The following TSPO variants were observed in gnomAD, a reference collection of about 807,000 sequenced individuals.
TSPO encodes translocator protein.
Under a neutral mutation model 13.9 loss-of-function variants are expected in TSPO, and 14 were observed. That is an observed-to-expected ratio of 1.01 (90% CI 0.67 to 1.58). TSPO has a LOEUF of 1.58. Ranked by LOEUF, TSPO falls within the 40% of genes most tolerant of loss-of-function variation. TSPO has a pLI of 0.00. For synonymous variants in TSPO, 114 were observed against 105.9 expected, an observed-to-expected ratio of 1.08 and a Z score of -0.47; for missense variants, 232 against 229.6, an observed-to-expected ratio of 1.01 and a Z score of -0.07.
At position 43,163,048 on chromosome 22, in the gene TSPO, G is replaced by A. The variant is rs1931505871; in HGVS notation, c.*57G>A. On this transcript the variant is annotated 3_prime_UTR_variant, in exon 4 of 4. Transcript: ENST00000337554. The stretch of plus-strand genomic sequence containing the variant: ...CAGCAGGTGCCATCACGCTTGTGAT[G>A]TGGTGGCCGTCACGCTTTCATGACC... 1.3e-6 allele frequency: 2 copies of A among 1,565,382 alleles called. No homozygotes were observed. Among genetic ancestry groups the A allele is most frequent in the African/African-American group, 1.4e-5 (1 of 73,852 alleles).
intron 2 of TSPO, 60 bp downstream of exon 2, chr22:43,159,480 C>T: frequency 5.1e-6 from 7 of 1,373,516 alleles, no homozygotes; most frequent in South Asian, 1.6e-5. Context: ...GAGGCCTGGC[C>T]CAGGACAGAG....
chr22:43,161,663 T>C (rs1289737274), intron 3 of TSPO, among the ~76,000 whole-genome samples: 2 of 151,104 alleles, frequency 1.3e-5, no homozygotes, highest in Non-Finnish European at 3.0e-5. Flanking sequence ...AATTTTTGTA[T>C]TTGTATTTGT....
At chr22:43,157,824 A>G (rs2016151) in intron 1 of TSPO, among the ~76,000 whole-genome samples, 83,484 of 152,138 alleles carry the variant, frequency 0.55, 25,686 homozygotes, top group East Asian at 0.98. Flanking sequence ...GCAACAGAGC[A>G]AGACTCTGTC....
chr22:43,157,568 G>A (rs1168115420), intron 1 of TSPO, among the ~76,000 whole-genome samples: 2 of 152,228 alleles, frequency 1.3e-5, no homozygotes, highest in African/African-American at 4.8e-5. Flanking sequence ...GGTGGCTCAC[G>A]CCTGTAATCC....
At chr22:43,161,286 G>A in intron 3 of TSPO, 96 bp downstream of exon 3, 1 of 1,495,170 alleles carries the variant, frequency 6.7e-7, no homozygotes, top group Non-Finnish European at 9.0e-7. Flanking sequence ...TCTATAGGCG[G>A]GGCCAGGGGA....
At chr22:43,153,088 C>T (rs923776229) in intron 1 of TSPO, among the ~76,000 whole-genome samples, 31 of 97,482 alleles carry the variant, frequency 3.2e-4, no homozygotes, top group African/African-American at 1.4e-3. Context: ...TTCTTTCTTT[C>T]CTTCCTTCCT....
intron 1 of TSPO, among the ~76,000 whole-genome samples, chr22:43,152,618 C>CCAGCCT (rs1414704384): frequency 6.6e-6 from 1 of 152,274 alleles, no homozygotes; most frequent in Non-Finnish European, 1.5e-5. Context: ...GACAGGAGAG[C>CCAGCCT]CAGCCTCAGC....
intron 1 of TSPO, among the ~76,000 whole-genome samples, chr22:43,153,804 G>A (rs1220134018): frequency 1.3e-5 from 2 of 151,554 alleles, no homozygotes; most frequent in Non-Finnish European, 2.9e-5. Flanking sequence ...TATTTTTTGA[G>A]ACGGTGTCTC....
At chr22:43,157,796 C>A (rs1177312890) in intron 1 of TSPO, among the ~76,000 whole-genome samples, 1 of 152,198 alleles carries the variant, frequency 6.6e-6, no homozygotes, top group African/African-American at 2.4e-5. Context: ...GAGATCGCGC[C>A]ATTGTATTCC....
chr22:43,160,916 C>G (rs113515), intron 2 of TSPO, 136 bp from the exon 3 acceptor site: 402,065 of 1,066,112 alleles, frequency 0.38, 80,307 homozygotes, highest in African/African-American at 0.45. Flanking sequence ...AAGGCCCAGA[C>G]AGGTCAAGCA....
At position 43,163,035 on chromosome 22, in the gene TSPO, T is replaced by C; in HGVS notation, c.*44T>C. On this transcript the variant is annotated 3_prime_UTR_variant, in exon 4 of 4. Coordinates refer to ENST00000337554, the MANE Select transcript of TSPO (RefSeq NM_000714.6). ...ACTGCAGCTGCACCAGCAGGTGCCA[T>C]CACGCTTGTGATGTGGTGGCCGTCA... 1.3e-6 allele frequency: 2 copies of C among 1,572,528 alleles called. No homozygotes were observed. Among genetic ancestry groups the C allele is most frequent in the Non-Finnish European group, 1.7e-6 (2 of 1,159,322 alleles).
At chr22:43,154,337 C>CT (rs372982994) in intron 1 of TSPO, among the ~76,000 whole-genome samples, 62 of 151,058 alleles carry the variant, frequency 4.1e-4, no homozygotes, top group African/African-American at 5.3e-4. Flanking sequence ...GGGTCGCCTT[C>CT]TTTTTTTTTG....
rs148092930 is a variant in TSPO at position 43,159,973 on chromosome 22, G to T, written c.182+553G>T. ...GGCAGGGCGCCTCTTGGTGGCTGTA[G>T]CGGGGACCACACCCAGGAGGCAGGG... On this transcript the variant is annotated intron_variant, in intron 2 of 3. Coordinates refer to ENST00000337554, the MANE Select transcript of TSPO (RefSeq NM_000714.6). 1.5e-3 allele frequency among the ~76,000 whole-genome samples: 232 copies of T among 152,300 alleles called. No individual in the cohort carries two copies. In the Middle Eastern group the frequency reaches 0.02, roughly 13 times the overall value.
rs749824230 is a variant in TSPO at position 43,159,316 on chromosome 22, C to T, written c.78C>T (p.Val26=). 5.2e-6 allele frequency: 8 copies of T among 1,550,020 alleles called. No homozygotes were observed. Among genetic ancestry groups the T allele is most frequent in the South Asian group, 1.2e-5 (1 of 84,010 alleles). Residue 26 remains valine (V), a synonymous_variant, in exon 2 of 4, where the codon GTC becomes GTT. Coordinates refer to ENST00000337554, the MANE Select transcript of TSPO (RefSeq NM_000714.6). ...SLGCFVGSRF[V]HGEGLRWYAG... ...GGTGCTTCGTGGGCTCCCGCTTTGT[C>T]CACGGCGAGGGTCTCCGCTGGTACG...
intron 1 of TSPO, among the ~76,000 whole-genome samples, chr22:43,153,058 T>C: frequency 7.1e-6 from 1 of 141,748 alleles, no homozygotes; most frequent in African/African-American, 2.5e-5. Flanking sequence ...CCCTTCTTTC[T>C]CTTTCTTCTT....
intron 3 of TSPO, 81 bp from the exon 4 acceptor site, chr22:43,162,722 T>C: frequency 7.3e-7 from 1 of 1,370,136 alleles, no homozygotes; most frequent in Non-Finnish European, 9.8e-7. Flanking sequence ...CCAAATCCAG[T>C]GGGAGTTGGG....
chr22:43,152,928 G>A (rs541618537), intron 1 of TSPO, among the ~76,000 whole-genome samples: 4 of 138,358 alleles, frequency 2.9e-5, no homozygotes, highest in South Asian at 4.4e-4. Flanking sequence ...TATTCACAGC[G>A]GGTTCTCCAG....
Position 43,159,342 on chromosome 22 carries a change from C to T in TSPO, c.104C>T (p.Ala35Val). The change falls in exon 2 of 4, where the codon GCC (alanine) becomes GTC (valine). Residue 35 changes from alanine to valine, a missense_variant. Physicochemically the swap from Ala to Val is moderately conservative, Grantham distance 64. Coordinates refer to ENST00000337554, the MANE Select transcript of TSPO (RefSeq NM_000714.6). ...FVHGEGLRWY[A>V]GLQKPSWHPP... Reference sequence around the variant, plus strand: ...CACGGCGAGGGTCTCCGCTGGTACGCCGGCCTGCAGAAGCCCTCGTGGCAC... The same window carrying T: ...CACGGCGAGGGTCTCCGCTGGTACGTCGGCCTGCAGAAGCCCTCGTGGCAC... 1 of 1,547,796 alleles carries T rather than the reference C, an allele frequency of 6.5e-7. No homozygotes were observed. Among genetic ancestry groups the T allele is most frequent in the Non-Finnish European group, 8.7e-7 (1 of 1,146,420 alleles).
rs1931487846 is a variant in TSPO at position 43,162,830 on chromosome 22, G to C, written c.349G>C (p.Gly117Arg). Reference sequence around the variant, plus strand: ...CTTGGTGGATCTCCTGCTGGTCAGTGGGGCGGCGGCAGCCACTACCGTGGC... The same window carrying C: ...CTTGGTGGATCTCCTGCTGGTCAGTCGGGCGGCGGCAGCCACTACCGTGGC... ...WALVDLLLVS[G>R]AAAATTVAWY... is the part of the protein sequence containing the mutation. The change falls in exon 4 of 4, where the codon GGG becomes CGG. Residue 117 changes from glycine (G) to arginine (R), a missense_variant. Coordinates refer to ENST00000337554, the MANE Select transcript of TSPO (RefSeq NM_000714.6). The C allele has an allele frequency of 1.3e-6, 2 of 1,585,712 alleles. No homozygotes were observed. The highest frequency in any genetic ancestry group is 2.7e-5 in the African/African-American group (2 of 74,478).
Sources: gnomAD v4.1 joint callset for allele counts (sites outside exome capture counted in the v4.1 genomes callset) on GRCh38, gnomAD v4.1.1 for gene constraint, MANE v1.5 for transcripts, NCBI Gene and HGNC (gene_info 2026-07-23, HGNC 2026-07-21) for gene names.